The following FIGN variants were observed in gnomAD, a reference collection of about 807,000 sequenced individuals.
FIGN encodes fidgetin, microtubule severing factor, also known as fidgetin.
Under a neutral mutation model 51.3 loss-of-function variants are expected in FIGN, and 11 were observed. That is an observed-to-expected ratio of 0.21 (90% CI 0.13 to 0.35). FIGN has a LOEUF of 0.35. Ranked by LOEUF, FIGN falls within the 10% of genes least tolerant of loss-of-function variation. The pLI is 1.00. For synonymous variants in FIGN, 407 were observed against 363.2 expected (o/e 1.12, Z -1.37); for missense variants, 857 against 943.6 (o/e 0.91, Z 1.20).
intron 2 of FIGN, among the ~76,000 whole-genome samples, chr2:163,644,941 G>A (rs1005160691): frequency 2.0e-5 from 3 of 152,258 alleles, no homozygotes; most frequent in African/African-American, 7.2e-5. Context: ...TGGGGACAAT[G>A]GGAGATCAGA....
chr2:163,603,510 T>A lies in FIGN; in HGVS notation c.*6042A>T, dbSNP rs945313267. On this transcript the variant is annotated 3_prime_UTR_variant, in exon 3 of 3. Coordinates refer to ENST00000333129, the MANE Select transcript of FIGN (RefSeq NM_018086.4). Reference sequence around the variant, plus strand: ...ATATGGCATTCCTCACCTAATACAGTAAACAAATAAAACAAAACAAAAACC... The same window carrying A: ...ATATGGCATTCCTCACCTAATACAGAAAACAAATAAAACAAAACAAAAACC... 1 of 151,992 alleles carries A rather than the reference T, an allele frequency of 6.6e-6. No individual in the cohort carries two copies. The highest frequency in any genetic ancestry group is 2.4e-5 in the African/African-American group (1 of 41,398). 9.4% of individuals were successfully genotyped at this position (151,992 alleles called of 1,614,324 possible). A position where few individuals can be genotyped will look rare whatever the true frequency, so the allele number is the denominator to read the frequency against.
chr2:163,626,795 G>C (rs1265360385), intron 2 of FIGN, among the ~76,000 whole-genome samples: 1 of 152,094 alleles, frequency 6.6e-6, no homozygotes, highest in Admixed American at 6.6e-5. Flanking sequence ...GATAAAACAG[G>C]TTGCGGTAAA....
chr2:163,700,455 G>A (rs984696501), intron 2 of FIGN, among the ~76,000 whole-genome samples: 22 of 152,208 alleles, frequency 1.4e-4, no homozygotes, highest in African/African-American at 4.1e-4. Flanking sequence ...AGGATTTGTC[G>A]CAGAATGGCG....
chr2:163,691,817 G>C (rs1272581859), intron 2 of FIGN, among the ~76,000 whole-genome samples: 1 of 152,088 alleles, frequency 6.6e-6, no homozygotes, highest in Non-Finnish European at 1.5e-5. Flanking sequence ...AGGAAAATAT[G>C]TGCTATAACC....
rs183666327 is a variant in FIGN, at chr2:163,733,256, C to T, written c.25+1647G>A. On this transcript the variant is annotated intron_variant, in intron 2 of 2. Transcript: ENST00000333129. ...TTAAGAGGGGGGCAATTTACACACT[C>T]AAATCTGCTGTTAAATGTCATGAAT... is the stretch of plus-strand genomic sequence containing the variant. Among the ~76,000 whole-genome samples, 718 of 152,264 alleles carry T rather than the reference C, an allele frequency of 4.7e-3. 3 individuals carry two copies. Among genetic ancestry groups the T allele is most frequent in the Non-Finnish European group, 8.3e-3 (562 of 68,024 alleles).
At chr2:163,676,448 T>C (rs1317683467) in intron 2 of FIGN, among the ~76,000 whole-genome samples, 4 of 59,324 alleles carry the variant, frequency 6.7e-5, no homozygotes, top group Non-Finnish European at 1.3e-4. Context: ...TATATATATA[T>C]ATATATATAT....
intron 2 of FIGN, among the ~76,000 whole-genome samples, chr2:163,685,375 C>T (rs764088271): frequency 1.3e-5 from 2 of 152,122 alleles, no homozygotes; most frequent in Non-Finnish European, 2.9e-5. Flanking sequence ...AACAACTTTC[C>T]AAGTTACTTT....
intron 2 of FIGN, among the ~76,000 whole-genome samples, chr2:163,673,218 G>C (rs904872768): frequency 1.3e-5 from 2 of 152,054 alleles, no homozygotes; most frequent in Non-Finnish European, 1.5e-5. Context: ...CACCTACCTT[G>C]AGATGTGGGA....
intron 2 of FIGN, among the ~76,000 whole-genome samples, chr2:163,652,501 G>A (rs1683494706): frequency 6.6e-6 from 1 of 151,814 alleles, no homozygotes; most frequent in South Asian, 2.1e-4. Flanking sequence ...TAGATAAACT[G>A]ACTGCTCTGA....
At chr2:163,707,339 A>G (rs545760579) in intron 2 of FIGN, among the ~76,000 whole-genome samples, 76 of 130,666 alleles carry the variant, frequency 5.8e-4, no homozygotes, top group South Asian at 1.4e-3. Flanking sequence ...CTAGCGACAG[A>G]ATGAGACTCT....
rs1401035784 is a variant in FIGN, at chr2:163,604,197, A to C, written c.*5355T>G. The C allele has an allele frequency of 1.3e-5, 2 of 152,194 alleles. No homozygotes were observed. The highest frequency in any genetic ancestry group is 3.4e-3 in the Middle Eastern group (1 of 294). The allele number at this position is 152,194 out of a possible 1,614,324, so 9.4% of individuals were successfully genotyped here. ...TAGTTAAGTACCATTATTTCTCTTA[A>C]ATTTAGGAGCTGAGGGTGTCAGTCA... On this transcript the variant is annotated 3_prime_UTR_variant, in exon 3 of 3. Coordinates refer to ENST00000333129, the MANE Select transcript of FIGN (RefSeq NM_018086.4).
intron 2 of FIGN, among the ~76,000 whole-genome samples, chr2:163,669,881 G>C (rs1037333251): frequency 2.0e-5 from 3 of 152,090 alleles, no homozygotes; most frequent in Admixed American, 2.0e-4. Context: ...TAGAACATGG[G>C]TAAGTAGGAT....
intron 2 of FIGN, among the ~76,000 whole-genome samples, chr2:163,616,806 G>A (rs1682885959): frequency 6.6e-6 from 1 of 152,036 alleles, no homozygotes; most frequent in African/African-American, 2.4e-5. Flanking sequence ...TCTTCTTTCT[G>A]ATGCAACAGA....
chr2:163,656,608 G>A (rs1683562537), intron 2 of FIGN, among the ~76,000 whole-genome samples: 1 of 152,110 alleles, frequency 6.6e-6, no homozygotes, highest in African/African-American at 2.4e-5. Context: ...GACACTAGAT[G>A]TGGCATAAAA....
chr2:163,673,284 G>C lies in FIGN; in HGVS notation c.26-61478C>G, dbSNP rs559964828. The stretch of plus-strand genomic sequence containing the variant: ...TACTTGCGAGACACTGGGTCCCTGA[G>C]GGAAGAAAGCTATAGAAACAGGTTT... On this transcript the variant is annotated intron_variant, in intron 2 of 2. Coordinates refer to ENST00000333129, the MANE Select transcript of FIGN (RefSeq NM_018086.4). 2.6e-5 allele frequency among the ~76,000 whole-genome samples: 4 copies of C among 152,146 alleles called. No homozygotes were observed. In the South Asian group the frequency reaches 8.3e-4, roughly 32 times the overall value.
At chr2:163,720,512 C>T (rs980896443) in intron 2 of FIGN, among the ~76,000 whole-genome samples, 3 of 152,014 alleles carry the variant, frequency 2.0e-5, no homozygotes, top group African/African-American at 7.3e-5. Flanking sequence ...TAAACTTGTA[C>T]CTCATCCATT....
intron 2 of FIGN, among the ~76,000 whole-genome samples, chr2:163,725,047 C>T (rs891961239): frequency 3.3e-5 from 5 of 152,042 alleles, no homozygotes; most frequent in Non-Finnish European, 5.9e-5. Flanking sequence ...ATGACTTTCT[C>T]GAACTTGTGC....
intron 2 of FIGN, among the ~76,000 whole-genome samples, chr2:163,644,414 C>T (rs2105318236): frequency 6.6e-6 from 1 of 152,198 alleles, no homozygotes; most frequent in Non-Finnish European, 1.5e-5. Flanking sequence ...GGGCTAGAAT[C>T]AAAAAGTCAG....
At chr2:163,719,771 T>C (rs1394714562) in intron 2 of FIGN, among the ~76,000 whole-genome samples, 1 of 152,122 alleles carries the variant, frequency 6.6e-6, no homozygotes, top group Non-Finnish European at 1.5e-5. Flanking sequence ...ATCACTTTGA[T>C]CACGTAGCAT....
Sources: gnomAD v4.1 joint callset for allele counts (sites outside exome capture counted in the v4.1 genomes callset) on GRCh38, gnomAD v4.1.1 for gene constraint, MANE v1.5 for transcripts, NCBI Gene and HGNC (gene_info 2026-07-23, HGNC 2026-07-21) for gene names.